TNC: variants seen among roughly 807,000 people sequenced by gnomAD.
TNC encodes tenascin C, also known as tenascin.
Under a neutral mutation model 202.4 loss-of-function variants are expected in TNC, and 109 were observed. That is an observed-to-expected ratio of 0.54 (90% CI 0.46 to 0.63). The LOEUF is 0.63. TNC is among the 30% of genes least tolerant of loss of function. TNC has a pLI of 0.00. For missense variants in TNC, 2,756 were observed against 2,833.3 expected (o/e 0.97, Z 0.62); for synonymous variants, 1,007 against 1,089.7 (o/e 0.92, Z 1.50).
chr9:115,099,145 G>C (rs1416265565), intron 1 of TNC, among the ~76,000 whole-genome samples: 1 of 152,016 alleles, frequency 6.6e-6, no homozygotes, highest in African/African-American at 2.4e-5. Flanking sequence ...TAAGATGCTG[G>C]GGGAGCCAGT....
intron 5 of TNC, among the ~76,000 whole-genome samples, 156 bp from the exon 6 acceptor site, chr9:115,082,084 A>T (rs920945866): frequency 2.0e-5 from 3 of 152,260 alleles, no homozygotes; most frequent in Non-Finnish European, 4.4e-5. Flanking sequence ...GCTACTGAGG[A>T]TACAGAGATG....
At position 115,021,281 on chromosome 9, in the gene TNC, AAAAG is replaced by A. The variant is rs745406159; in HGVS notation, c.6496-18_6496-15del. On this transcript the variant is annotated splice_polypyrimidine_tract_variant and intron_variant, in intron 27 of 27. Coordinates refer to ENST00000350763, the MANE Select transcript of TNC (RefSeq NM_002160.4). The stretch of plus-strand genomic sequence containing the variant: ...CCAGTTAACGCCCTGTTAAAAAAAA[AAAAG>A]AGAGAGAGAGAGAGAGAGAGAAGGC... 7.5e-6 allele frequency: 12 copies of A among 1,594,568 alleles called. No homozygotes were observed. The highest frequency in any genetic ancestry group is 3.4e-5 in the Admixed American group (2 of 58,228).
At chr9:115,049,493 C>G (rs888620564) in intron 15 of TNC, among the ~76,000 whole-genome samples, 2 of 152,056 alleles carry the variant, frequency 1.3e-5, no homozygotes, top group African/African-American at 4.8e-5. Flanking sequence ...CTGCTAGGTG[C>G]CTAAGCTGAG....
chr9:115,046,081 A>G (rs1831172310), intron 17 of TNC, among the ~76,000 whole-genome samples: 1 of 152,178 alleles, frequency 6.6e-6, no homozygotes. Context: ...TAAAAAAAAA[A>G]AGATGATAAT....
chr9:115,098,947 T>C (rs1836005372), intron 1 of TNC, among the ~76,000 whole-genome samples: 1 of 150,172 alleles, frequency 6.7e-6, no homozygotes, highest in African/African-American at 2.5e-5. Context: ...TATTTTTTTT[T>C]TTTTTTTTTT....
At chr9:115,116,398 A>G (rs1366695763) in intron 1 of TNC, among the ~76,000 whole-genome samples, 1 of 152,176 alleles carries the variant, frequency 6.6e-6, no homozygotes, top group African/African-American at 2.4e-5. Context: ...GCTGACTTAC[A>G]TCTCCTGCAA....
In TNC at chr9:115,076,481, G is replaced by A; in HGVS notation, c.2769C>T (p.Tyr923=). ...CAGAGATGGGGGCATACTTAATTCT[G>A]TAACTGTCAATAGCTGCCTTGCCAT... ...WRNGKAAIDS[Y]RIKYAPISGG... The change falls in exon 8 of 28, where the codon TAC becomes TAT. Residue 923 remains tyrosine (Y), a synonymous_variant. Transcript: ENST00000350763. 1 of 1,614,202 alleles carries A rather than the reference G, an allele frequency of 6.2e-7. No individual in the cohort carries two copies. The highest frequency in any genetic ancestry group is 1.1e-5 in the South Asian group (1 of 91,076).
At chr9:115,048,895 G>C (rs186626912) in intron 15 of TNC, among the ~76,000 whole-genome samples, 2 of 150,828 alleles carry the variant, frequency 1.3e-5, no homozygotes, top group African/African-American at 4.9e-5. Flanking sequence ...ATTTTGTTGA[G>C]TTTGGATCCC....
intron 18 of TNC, among the ~76,000 whole-genome samples, chr9:115,042,006 G>A (rs1353517726): frequency 6.6e-6 from 1 of 152,070 alleles, no homozygotes; most frequent in East Asian, 1.9e-4. Context: ...GGTTAAAAAA[G>A]GTCTTGTTCA....
rs751644803 is a variant in TNC at position 115,084,189 on chromosome 9, A to G, written c.2131+20T>C. 2.2e-5 allele frequency: 35 copies of G among 1,610,080 alleles called. No homozygotes were observed. The highest frequency in any genetic ancestry group is 2.8e-5 in the Non-Finnish European group (33 of 1,177,836). On this transcript the variant is annotated intron_variant, in intron 4 of 27. Coordinates refer to ENST00000350763, the MANE Select transcript of TNC (RefSeq NM_002160.4). ...GGCTGACATCAGGTGAGGCTGCCCAAAAGAGTTCTGCTCACTCACACGTGG... is the reference window on the plus strand; with the variant it reads ...GGCTGACATCAGGTGAGGCTGCCCAGAAGAGTTCTGCTCACTCACACGTGG...
At chr9:115,090,498 C>T in intron 2 of TNC, 64 bp downstream of exon 2, 2 of 1,335,594 alleles carry the variant, frequency 1.5e-6, no homozygotes, top group Non-Finnish European at 1.0e-6. Context: ...GTGATGGATG[C>T]TGCTATGCTC....
intron 7 of TNC, 37 bp downstream of exon 7, chr9:115,077,906 C>T: frequency 6.3e-7 from 1 of 1,591,662 alleles, no homozygotes; most frequent in Non-Finnish European, 8.6e-7. Context: ...TTCAATCTTT[C>T]CTTTACTATA....
chr9:115,062,520 A>G (rs1168501661), intron 13 of TNC, among the ~76,000 whole-genome samples: 1 of 151,780 alleles, frequency 6.6e-6, no homozygotes, highest in African/African-American at 2.4e-5. Flanking sequence ...GAGGCAGGAG[A>G]ATCACTTGAG....
chr9:115,044,970 G>A (rs1831064889), intron 17 of TNC, among the ~76,000 whole-genome samples: 1 of 152,226 alleles, frequency 6.6e-6, no homozygotes, highest in Non-Finnish European at 1.5e-5. Flanking sequence ...ATGCCTGTCA[G>A]AGATGGCAAG....
chr9:115,070,476 G>C (rs1028159504), intron 10 of TNC, among the ~76,000 whole-genome samples: 1 of 152,252 alleles, frequency 6.6e-6, no homozygotes, highest in East Asian at 1.9e-4. Flanking sequence ...TGGGCTGGCC[G>C]TGCCAGATTC....
chr9:115,035,231 G>C lies in TNC; in HGVS notation c.5760C>G (p.Val1920=), dbSNP rs371111067. 34 of 1,613,136 alleles carry C rather than the reference G, an allele frequency of 2.1e-5. No individual in the cohort carries two copies. Among genetic ancestry groups the C allele is most frequent in the Non-Finnish European group, 2.5e-5 (29 of 1,179,630 alleles). The change falls in exon 22 of 28, where the codon GTC becomes GTG. Residue 1920 remains valine (V), a synonymous_variant. Transcript: ENST00000350763. Reference sequence around the variant, plus strand: ...TGACTGTGCCATCCACTGATTCATAGACCAGCAGGTAACCGGTGACTGATG... The same window carrying C: ...TGACTGTGCCATCCACTGATTCATACACCAGCAGGTAACCGGTGACTGATG... ...PRASVTGYLL[V]YESVDGTVKE... is the part of the protein sequence containing the mutation.
At chr9:115,039,610 C>T (rs148449103) in intron 19 of TNC, among the ~76,000 whole-genome samples, 4 of 152,264 alleles carry the variant, frequency 2.6e-5, no homozygotes, top group Admixed American at 6.5e-5. Flanking sequence ...GCAGCCCTGG[C>T]GAGGGTGGAG....
intron 1 of TNC, 129 bp from the exon 2 acceptor site, chr9:115,091,283 A>G: frequency 2.2e-6 from 1 of 450,582 alleles, no homozygotes; most frequent in East Asian, 3.9e-5. Flanking sequence ...TTCATTATAT[A>G]CCCTTGAAAT....
intron 26 of TNC, among the ~76,000 whole-genome samples, chr9:115,024,855 A>T (rs115276378): frequency 0.015 from 2,227 of 152,342 alleles, 57 homozygotes; most frequent in African/African-American, 0.05. Flanking sequence ...GAAGCATTTC[A>T]GTACCATTGC....
Sources: gnomAD v4.1 joint callset for allele counts (sites outside exome capture counted in the v4.1 genomes callset) on GRCh38, gnomAD v4.1.1 for gene constraint, MANE v1.5 for transcripts, NCBI Gene and HGNC (gene_info 2026-07-23, HGNC 2026-07-21) for gene names.